The following DOCK6 variants were observed in gnomAD, a reference collection of about 807,000 sequenced individuals.
DOCK6 encodes the protein dedicator of cytokinesis 6.
A neutral mutation model predicts 230.3 loss-of-function variants in DOCK6; 167 were observed. The observed-to-expected ratio is 0.73, with a 90% CI of 0.64 to 0.82. DOCK6 has a LOEUF of 0.82. Ranked by LOEUF, DOCK6 falls within the 40% of genes least tolerant of loss-of-function variation. The pLI, the probability that DOCK6 is intolerant of heterozygous loss-of-function variation, is 0.00. For synonymous variants in DOCK6, 1,148 were observed against 1,185.0 expected, an observed-to-expected ratio of 0.97 and a Z score of 0.64; for missense variants, 2,598 against 2,825.8, an observed-to-expected ratio of 0.92 and a Z score of 1.83.
In DOCK6 at chr19:11,252,347, G is replaced by T. The variant is rs548455908; in HGVS notation, c.378-99C>A. On this transcript the variant is annotated intron_variant, in intron 4 of 47. Coordinates refer to ENST00000294618, the MANE Select transcript of DOCK6 (RefSeq NM_020812.4). ...CCTACATGGCACCTTCAAAGCCACC[G>T]TCCTTGTGCTCCACCAGACAAGTTT... 12 of 1,574,366 alleles carry T rather than the reference G, an allele frequency of 7.6e-6. No individual in the cohort carries two copies. The South Asian group carries it at 1.3e-4, about 17-fold the overall frequency.
In DOCK6 at chr19:11,236,025, C is replaced by A; in HGVS notation, c.2393-266G>T. 1 of 500,804 alleles carries A rather than the reference C, an allele frequency of 2.0e-6. No individual in the cohort carries two copies. The allele number at this position is 500,804 out of a possible 1,614,324, so 31.0% of individuals were successfully genotyped here. ...CCTCCCGAGTAGCTGGGATTACAGG[C>A]ATGCGCCACCACGCCCAGCTAATTT... is the stretch of plus-strand genomic sequence containing the variant. On this transcript the variant is annotated intron_variant, in intron 20 of 47. Transcript: ENST00000294618. The surrounding 1 kb of genome is among the most constrained non-coding windows in gnomAD (Gnocchi z 5.2).
chr19:11,232,334 G>A (rs953707482), intron 22 of DOCK6: 1 of 1,273,508 alleles, frequency 7.9e-7, no homozygotes, highest in South Asian at 1.2e-5. Context: ...TGGAGGGCAG[G>A]GAAAGCAGCA....
intron 6 of DOCK6, among the ~76,000 whole-genome samples, chr19:11,249,547 C>T (rs1467888053): frequency 6.6e-6 from 1 of 150,458 alleles, no homozygotes; most frequent in East Asian, 2.0e-4. Flanking sequence ...TTTTACCTTT[C>T]CTATGGTGTT....
intron 5 of DOCK6, 66 bp from the exon 6 acceptor site, chr19:11,251,152 A>G: frequency 2.1e-6 from 3 of 1,438,728 alleles, no homozygotes; most frequent in Non-Finnish European, 2.9e-6. Flanking sequence ...CTCTGGTGAG[A>G]GTGTCCTCAT....
chr19:11,211,767 C>G lies in DOCK6; in HGVS notation c.4751+9G>C. 2 of 1,544,744 alleles carry G rather than the reference C, an allele frequency of 1.3e-6. No individual in the cohort carries two copies. Among genetic ancestry groups the G allele is most frequent in the Non-Finnish European group, 1.8e-6 (2 of 1,141,316 alleles). On this transcript the variant is annotated intron_variant, in intron 37 of 47. Transcript: ENST00000294618. The stretch of plus-strand genomic sequence containing the variant: ...GGCGTGGCTGAAGGTGCCAGCTGGC[C>G]CACCTCACCTGTACATGAGGTCGAT...
chr19:11,236,448 G>GTGC lies in DOCK6; in HGVS notation c.2287_2289dup (p.Ala763dup). 1 of 1,592,368 alleles carries GTGC rather than the reference G, an allele frequency of 6.3e-7. No individual in the cohort carries two copies. Among genetic ancestry groups the GTGC allele is most frequent in the Non-Finnish European group, 8.5e-7 (1 of 1,170,258 alleles). On this transcript the variant is annotated inframe_insertion, in exon 20 of 48. Transcript: ENST00000294618. This position sits in a 1 kb window ranked among gnomAD's most constrained non-coding sequence, Gnocchi z 5.2. The stretch of plus-strand genomic sequence containing the variant: ...AGGGGTTCGGGGCTGGCCAGGCGCA[G>GTGC]TGCTGCAAGACTGGCCCGCAGCTCC...
At position 11,222,289 on chromosome 19, in the gene DOCK6, G is replaced by T. The variant is rs1436670872; in HGVS notation, c.3241-41C>A. 1 of 1,565,868 alleles carries T rather than the reference G, an allele frequency of 6.4e-7. No individual in the cohort carries two copies. The highest frequency in any genetic ancestry group is 1.9e-5 in the Admixed American group (1 of 52,598). ...AAAATGGGGGATGCCAGCGGTCAAG[G>T]GTCAGAGGTGGCAGGTCACCATTAA... On this transcript the variant is annotated intron_variant, in intron 26 of 47. Transcript: ENST00000294618. This position sits in a 1 kb window ranked among gnomAD's most constrained non-coding sequence, Gnocchi z 4.0.
chr19:11,258,248 A>G (rs1280482052), intron 1 of DOCK6, among the ~76,000 whole-genome samples: 1 of 152,148 alleles, frequency 6.6e-6, no homozygotes, highest in Non-Finnish European at 1.5e-5. Flanking sequence ...TGGATGCAAC[A>G]CCTCATGATT....
chr19:11,210,829 C>A (rs1044855025), intron 37 of DOCK6, among the ~76,000 whole-genome samples: 1 of 151,134 alleles, frequency 6.6e-6, no homozygotes, highest in African/African-American at 2.4e-5. Flanking sequence ...TCTCATCTGG[C>A]CATCTCTTCA....
At position 11,212,006 on chromosome 19, in the gene DOCK6, G is replaced by A; in HGVS notation, c.4637C>T (p.Thr1546Ile). 1.2e-6 allele frequency: 2 copies of A among 1,605,984 alleles called. No homozygotes were observed. Among genetic ancestry groups the A allele is most frequent in the East Asian group, 2.2e-5 (1 of 44,620 alleles). The change falls in exon 36 of 48, where the codon ACC becomes ATC. Residue 1546 changes from threonine (T) to isoleucine (I), a missense_variant. Thr to Ile is a moderately conservative substitution (Grantham distance 89). Coordinates refer to ENST00000294618, the MANE Select transcript of DOCK6 (RefSeq NM_020812.4). ...AGCAGGTGTCACCTGCTCTGCGAAG[G>A]TGCTGTCCCGCAGCCCCATGTCCTC... ...AEEDMGLRDS[T>I]FAEQVQDLMF...
Position 11,248,154 on chromosome 19 carries a change from G to A in DOCK6, c.721-3C>T. The A allele has an allele frequency of 6.6e-7, 1 of 1,514,066 alleles. No individual in the cohort carries two copies. Among genetic ancestry groups the A allele is most frequent in the South Asian group, 1.1e-5 (1 of 88,122 alleles). 93.8% of individuals were successfully genotyped at this position (1,514,066 alleles called of 1,614,324 possible). A position where few individuals can be genotyped will look rare whatever the true frequency, so the allele number is the denominator to read the frequency against. On this transcript the variant is annotated splice_polypyrimidine_tract_variant and splice_region_variant and intron_variant, in intron 6 of 47. Coordinates refer to ENST00000294618, the MANE Select transcript of DOCK6 (RefSeq NM_020812.4). ...CTACAGCGTTCCACGGCTTCATCCT[G>A]CCAAGAGTGGGGGGTGGGAGCTGGG...
At chr19:11,229,075 C>T in intron 22 of DOCK6, 40 bp from the exon 23 acceptor site, 2 of 1,585,340 alleles carry the variant, frequency 1.3e-6, no homozygotes. Context: ...CGAGGTGCCA[C>T]CCCTTCCCGT....
Position 11,237,449 on chromosome 19 carries a change from C to T in DOCK6, c.2073+7G>A. On this transcript the variant is annotated splice_region_variant and intron_variant, in intron 18 of 47. Coordinates refer to ENST00000294618, the MANE Select transcript of DOCK6 (RefSeq NM_020812.4). ...GCATTGGCAGGCAGGAGCTCCAGGG[C>T]ACATACATCGGGTGTGAGCACGGAA... is the stretch of plus-strand genomic sequence containing the variant. 6.2e-7 allele frequency: 1 copy of T among 1,613,442 alleles called. No individual in the cohort carries two copies. The highest frequency in any genetic ancestry group is 8.5e-7 in the Non-Finnish European group (1 of 1,179,822).
In DOCK6 at chr19:11,242,271, G is replaced by A. The variant is rs976003144; in HGVS notation, c.1481-64C>T. On this transcript the variant is annotated intron_variant, in intron 13 of 47. Coordinates refer to ENST00000294618, the MANE Select transcript of DOCK6 (RefSeq NM_020812.4). ...CTCCTGGCTCAGCCCACCCTTTCTG[G>A]GCTGTGTAGTCAGGGCAGACTCTCC... 7 of 1,363,934 alleles carry A rather than the reference G, an allele frequency of 5.1e-6. No homozygotes were observed. In the African/African-American group the frequency reaches 6.0e-5, roughly 12 times the overall value. 84.5% of individuals were successfully genotyped at this position (1,363,934 alleles called of 1,614,324 possible).
chr19:11,208,649 G>A (rs370654978), intron 39 of DOCK6, 37 bp downstream of exon 39: 133 of 1,589,176 alleles, frequency 8.4e-5, no homozygotes, highest in Middle Eastern at 1.7e-4. Context: ...TCCCTGGCCC[G>A]AGCCCCCTCT....
rs757461864 is a variant in DOCK6 at position 11,252,560 on chromosome 19, A to G, written c.309-10T>C. 14 of 1,613,754 alleles carry G rather than the reference A, an allele frequency of 8.7e-6. No individual in the cohort carries two copies. Among genetic ancestry groups the G allele is most frequent in the Non-Finnish European group, 1.2e-5 (14 of 1,179,882 alleles). ...CTGGGCATCCAGTTTTCTGCAGCAA[A>G]AGAAGATCAGGGTAAACAGAGACAA... On this transcript the variant is annotated splice_polypyrimidine_tract_variant and intron_variant, in intron 3 of 47. Coordinates refer to ENST00000294618, the MANE Select transcript of DOCK6 (RefSeq NM_020812.4).
chr19:11,203,808 G>C (rs1446383500), intron 41 of DOCK6: 1 of 576,972 alleles, frequency 1.7e-6, no homozygotes, highest in Non-Finnish European at 3.1e-6. Context: ...CCACCCCCCT[G>C]CAGTGACCAA....
In DOCK6 at chr19:11,238,230, C is replaced by T. The variant is rs201374358; in HGVS notation, c.1718G>A (p.Arg573Gln). The T allele has an allele frequency of 3.8e-5, 62 of 1,613,590 alleles. No individual in the cohort carries two copies. In the East Asian group the frequency reaches 8.2e-4, roughly 21 times the overall value. Residue 573 changes from arginine (R) to glutamine (Q), a missense_variant, in exon 15 of 48, where the codon CGA (arginine) becomes CAA (glutamine). Arg to Gln is a conservative substitution (Grantham distance 43). Transcript: ENST00000294618. ...GTCCTCGCCTGTCATGTACTGCACT[C>T]GCACAGCAAGGTTGCGCACGGAGCC... is the stretch of plus-strand genomic sequence containing the variant. ...RQGSVRNLAVRVQYMTGEDPS... is the reference protein window; with the variant it reads ...RQGSVRNLAVQVQYMTGEDPS...
intron 47 of DOCK6, among the ~76,000 whole-genome samples, chr19:11,199,985 C>T (rs973455010): frequency 3.9e-5 from 6 of 151,994 alleles, no homozygotes; most frequent in Non-Finnish European, 7.4e-5. Context: ...CCTGTCTCTA[C>T]TAAAAATACA....
Sources: gnomAD v4.1 joint callset for allele counts (sites outside exome capture counted in the v4.1 genomes callset) on GRCh38, gnomAD v4.1.1 for gene constraint, Gnocchi (gnomAD v3.1) non-coding constraint, MANE v1.5 for transcripts, NCBI Gene and HGNC (gene_info 2026-07-23, HGNC 2026-07-21) for gene names.